PTDSS1: variants seen among roughly 807,000 people sequenced by gnomAD.
The protein encoded by PTDSS1 is PSS-1.
PTDSS1 carries 45 observed loss-of-function variants against 70.5 expected under a neutral mutation model. The ratio of observed to expected loss-of-function variants is 0.64; its 90% CI spans 0.50 to 0.82. PTDSS1 has a LOEUF of 0.82. PTDSS1 is among the 40% of genes least tolerant of loss of function. The probability of loss-of-function intolerance (pLI) is 0.00; values close to 1 mark genes in which losing one functional copy is unlikely to be tolerated. For synonymous variants in PTDSS1, 188 were observed against 203.8 expected, an observed-to-expected ratio of 0.92 and a Z score of 0.66; for missense variants, 417 against 586.1, an observed-to-expected ratio of 0.71 and a Z score of 2.98.
intron 9 of PTDSS1, among the ~76,000 whole-genome samples, chr8:96,312,104 A>G (rs1462753300): frequency 3.9e-5 from 6 of 152,154 alleles, no homozygotes; most frequent in Non-Finnish European, 7.3e-5. Flanking sequence ...CATCATGACA[A>G]AGTTTCTTTC....
chr8:96,269,263 G>A (rs1810528766), intron 1 of PTDSS1, among the ~76,000 whole-genome samples: 1 of 152,118 alleles, frequency 6.6e-6, no homozygotes, highest in African/African-American at 2.4e-5. Context: ...CTGTGGGCAA[G>A]ATAAACCAAG....
intron 1 of PTDSS1, among the ~76,000 whole-genome samples, chr8:96,271,229 G>A (rs1043869054): frequency 6.6e-6 from 1 of 152,114 alleles, no homozygotes; most frequent in Admixed American, 6.6e-5. Context: ...GCAAGCATAA[G>A]CATAAATTAT....
chr8:96,298,212 A>T (rs909365608), intron 5 of PTDSS1, among the ~76,000 whole-genome samples: 1 of 152,212 alleles, frequency 6.6e-6, no homozygotes, highest in Non-Finnish European at 1.5e-5. Context: ...AAGCCATCAC[A>T]TGCAGCAGCT....
chr8:96,271,400 C>CATTTAA (rs1241155290), intron 1 of PTDSS1, among the ~76,000 whole-genome samples: 2 of 152,000 alleles, frequency 1.3e-5, no homozygotes, highest in Admixed American at 1.3e-4. Context: ...AATGGCTGCC[C>CATTTAA]AGCTTCCCAT....
At chr8:96,316,734 C>T (rs548773626) in intron 9 of PTDSS1, among the ~76,000 whole-genome samples, 1 of 152,308 alleles carries the variant, frequency 6.6e-6, no homozygotes, top group Admixed American at 6.5e-5. Context: ...TGGCTCACTC[C>T]TGTAATCCCA....
chr8:96,289,086 C>T (rs1307430343), intron 4 of PTDSS1, among the ~76,000 whole-genome samples: 1 of 152,080 alleles, frequency 6.6e-6, no homozygotes, highest in Non-Finnish European at 1.5e-5. Flanking sequence ...AGGCGCCTGC[C>T]ACTACGCCTG....
chr8:96,290,343 G>A (rs571757718), intron 4 of PTDSS1, among the ~76,000 whole-genome samples: 9 of 152,312 alleles, frequency 5.9e-5, no homozygotes, highest in African/African-American at 2.2e-4. Context: ...GCAGGTGGAT[G>A]TGCTTGTGTG....
At chr8:96,316,393 AAAG>A (rs1242656935) in intron 9 of PTDSS1, among the ~76,000 whole-genome samples, 1 of 152,234 alleles carries the variant, frequency 6.6e-6, no homozygotes, top group African/African-American at 2.4e-5. Flanking sequence ...CAGCCATAAA[AAAG>A]AATGGGATCA....
At chr8:96,306,899 C>G (rs529792055) in intron 8 of PTDSS1, among the ~76,000 whole-genome samples, 1 of 152,114 alleles carries the variant, frequency 6.6e-6, no homozygotes, top group African/African-American at 2.4e-5. Flanking sequence ...AATGAGATTA[C>G]TGGAAAAATG....
At chr8:96,275,344 A>G (rs1810625700) in intron 2 of PTDSS1, among the ~76,000 whole-genome samples, 2 of 152,090 alleles carry the variant, frequency 1.3e-5, no homozygotes, top group African/African-American at 4.8e-5. Flanking sequence ...TTTTGTAGAT[A>G]GAGATGGGGT....
intron 3 of PTDSS1, among the ~76,000 whole-genome samples, chr8:96,285,495 T>C (rs1439069982): frequency 6.6e-6 from 1 of 152,192 alleles, no homozygotes; most frequent in Non-Finnish European, 1.5e-5. Context: ...AAAAAGATAG[T>C]CCTGGCTATA....
At chr8:96,317,945 A>G (rs1286184879) in intron 9 of PTDSS1, among the ~76,000 whole-genome samples, 2 of 150,320 alleles carry the variant, frequency 1.3e-5, no homozygotes, top group Non-Finnish European at 3.0e-5. Flanking sequence ...ACTGGATCAC[A>G]GTGAAAATTG....
intron 5 of PTDSS1, among the ~76,000 whole-genome samples, chr8:96,299,210 G>A (rs1212634533): frequency 2.0e-5 from 3 of 152,226 alleles, no homozygotes; most frequent in Non-Finnish European, 2.9e-5. Flanking sequence ...CCTACATCGT[G>A]TCATCAAGAG....
chr8:96,284,265 T>G (rs1810790247), intron 3 of PTDSS1, 112 bp downstream of exon 3: 1 of 995,710 alleles, frequency 1.0e-6, no homozygotes, highest in African/African-American at 1.7e-5. Context: ...TTATTCTAGC[T>G]TTTTGCTTTT....
intron 12 of PTDSS1, 139 bp from the exon 13 acceptor site, chr8:96,333,318 A>G: frequency 1.3e-6 from 1 of 744,528 alleles, no homozygotes; most frequent in East Asian, 2.5e-5. Context: ...CCTCGCCTTC[A>G]TTTATGAATG....
At chr8:96,269,085 GC>G (rs1220288852) in intron 1 of PTDSS1, among the ~76,000 whole-genome samples, 2 of 152,222 alleles carry the variant, frequency 1.3e-5, no homozygotes, top group Non-Finnish European at 1.5e-5. Flanking sequence ...TGTGGTCAGT[GC>G]TATGCTGGAG....
In PTDSS1 at chr8:96,294,437, G is replaced by A. The variant is rs1051105421; in HGVS notation, c.442-661G>A. ...AAGATATTAAATTACTTAGAAATAC[G>A]TATAATCAAAAACAAAGATATTAGA... On this transcript the variant is annotated intron_variant, in intron 4 of 12. Coordinates refer to ENST00000517309, the MANE Select transcript of PTDSS1 (RefSeq NM_014754.3). 3.9e-5 allele frequency among the ~76,000 whole-genome samples: 6 copies of A among 152,060 alleles called. 1 individual carries two copies. Among genetic ancestry groups the A allele is most frequent in the Admixed American group, 6.5e-5 (1 of 15,274 alleles).
Position 96,309,543 on chromosome 8 carries a change from C to T in PTDSS1, c.1008-14C>T. On this transcript the variant is annotated splice_polypyrimidine_tract_variant and intron_variant, in intron 8 of 12. Coordinates refer to ENST00000517309, the MANE Select transcript of PTDSS1 (RefSeq NM_014754.3). The stretch of plus-strand genomic sequence containing the variant: ...TCCAGCAGCTCTCAATGAATTCCAA[C>T]TTTGTTCTTTCAGACAGTACTACGC... 1 of 1,611,654 alleles carries T rather than the reference C, an allele frequency of 6.2e-7. No individual in the cohort carries two copies. The highest frequency in any genetic ancestry group is 8.5e-7 in the Non-Finnish European group (1 of 1,178,116).
intron 7 of PTDSS1, among the ~76,000 whole-genome samples, 158 bp downstream of exon 7, chr8:96,304,339 G>A (rs751555394): frequency 1.9e-4 from 29 of 152,222 alleles, no homozygotes; most frequent in Admixed American, 5.2e-4. Context: ...TAAGCAAAGT[G>A]ATGTTGTTAT....
Sources: gnomAD v4.1 joint callset for allele counts (sites outside exome capture counted in the v4.1 genomes callset) on GRCh38, gnomAD v4.1.1 for gene constraint, MANE v1.5 for transcripts, NCBI Gene and HGNC (gene_info 2026-07-23, HGNC 2026-07-21) for gene names.